Variants in TET1 observed in about 807,000 individuals in gnomAD.
The protein encoded by TET1 is methylcytosine dioxygenase TET1.
A neutral mutation model predicts 148.7 loss-of-function variants in TET1; 13 were observed. The ratio of observed to expected loss-of-function variants is 0.09; its 90% CI spans 0.06 to 0.14. The LOEUF is 0.14. Ranked by LOEUF, TET1 falls within the 10% of genes least tolerant of loss-of-function variation. The pLI is 1.00. For synonymous variants in TET1, 907 were observed against 937.2 expected (o/e 0.97, Z 0.59); for missense variants, 2,182 against 2,553.8 (o/e 0.85, Z 3.14).
intron 2 of TET1, among the ~76,000 whole-genome samples, chr10:68,589,648 G>A (rs1459340898): frequency 6.8e-6 from 1 of 146,320 alleles, no homozygotes; most frequent in Non-Finnish European, 1.5e-5. Context: ...TACTGTGCTC[G>A]GTTAATATCT....
intron 2 of TET1, among the ~76,000 whole-genome samples, chr10:68,597,903 T>A (rs2054006388): frequency 6.6e-6 from 1 of 152,102 alleles, no homozygotes; most frequent in Non-Finnish European, 1.5e-5. Flanking sequence ...TAGGAGGTAC[T>A]TAGAGTAGTC....
In TET1 at chr10:68,636,979, CGTTGTGTGTGT is replaced by C. The variant is rs1188915693; in HGVS notation, c.1969-7716_1969-7706del. ...GACTTTTGTTTTCTATTATTTTACT[CGTTGTGTGTGT>C]GTGTGTGTGTGTGTGTGTGAGTGTG... On this transcript the variant is annotated intron_variant, in intron 3 of 11. Coordinates refer to ENST00000373644, the MANE Select transcript of TET1 (RefSeq NM_030625.3). 1.4e-4 allele frequency among the ~76,000 whole-genome samples: 16 copies of C among 115,120 alleles called. No individual in the cohort carries two copies. The East Asian group carries it at 1.7e-3, about 13-fold the overall frequency. 75.5% of individuals were successfully genotyped at this position (115,120 alleles called of 152,430 possible).
At chr10:68,684,557 C>T (rs916181247) in intron 10 of TET1, among the ~76,000 whole-genome samples, 1 of 152,136 alleles carries the variant, frequency 6.6e-6, no homozygotes, top group Admixed American at 6.6e-5. Flanking sequence ...TATCTGTGAT[C>T]AGGCTGAAGT....
At chr10:68,667,560 C>G (rs376397580) in intron 7 of TET1, among the ~76,000 whole-genome samples, 6 of 152,036 alleles carry the variant, frequency 3.9e-5, no homozygotes, top group East Asian at 1.9e-4. Flanking sequence ...TCAAGACTAT[C>G]CTGGCTAATA....
At chr10:68,606,332 A>G (rs2054123971) in intron 3 of TET1, among the ~76,000 whole-genome samples, 1 of 152,196 alleles carries the variant, frequency 6.6e-6, no homozygotes, top group Non-Finnish European at 1.5e-5. Flanking sequence ...GTGCCTCTGC[A>G]CTCCAGCCTG....
chr10:68,645,192 C>A lies in TET1; in HGVS notation c.2463C>A (p.Asn821Lys), dbSNP rs372492171. The change falls in exon 4 of 12, where the codon AAC (asparagine) becomes AAA (lysine). Residue 821 changes from asparagine to lysine, a missense_variant. Physicochemically the swap from Asn to Lys is moderately conservative, Grantham distance 94. Transcript: ENST00000373644. ...GTGATCATCTCAAGGGGAGAAGTAA[C>A]GTTTTAGTATTCCAGCAGCCTGGCT... ...MSCDHLKGRS[N>K]VLVFQQPGFN... The A allele has an allele frequency of 4.3e-6, 7 of 1,614,088 alleles. No individual in the cohort carries two copies. Among genetic ancestry groups the A allele is most frequent in the Non-Finnish European group, 4.2e-6 (5 of 1,179,976 alleles).
intron 3 of TET1, among the ~76,000 whole-genome samples, chr10:68,607,438 G>A (rs1436332708): frequency 6.7e-6 from 1 of 148,214 alleles, no homozygotes; most frequent in Non-Finnish European, 1.5e-5. Context: ...TTGTTTGTTT[G>A]TTTATTTGTT....
At chr10:68,647,340 T>G (rs2054866293) in intron 4 of TET1, among the ~76,000 whole-genome samples, 2 of 152,218 alleles carry the variant, frequency 1.3e-5, no homozygotes, top group Non-Finnish European at 2.9e-5. Flanking sequence ...GCAATGGCTC[T>G]TGCCTGTAAT....
Position 68,573,654 on chromosome 10 carries a change from C to G in TET1, c.1316C>G (p.Pro439Arg), listed in dbSNP as rs2053695918. The G allele has an allele frequency of 1.9e-6, 3 of 1,614,124 alleles. No individual in the cohort carries two copies. The highest frequency in any genetic ancestry group is 8.5e-7 in the Non-Finnish European group (1 of 1,180,030). Reference sequence around the variant, plus strand: ...GTCTTCCTTCCTGTTCCTCCAAATCCAATTGCTACCTTTAATGCTCCTTCC... The same window carrying G: ...GTCTTCCTTCCTGTTCCTCCAAATCGAATTGCTACCTTTAATGCTCCTTCC... ...LPVFLPVPPN[P>R]IATFNAPSKW... Residue 439 changes from proline (P) to arginine (R), a missense_variant, in exon 2 of 12, where the codon CCA (proline) becomes CGA (arginine). Pro to Arg is a moderately radical substitution (Grantham distance 103, BLOSUM62 -2). Transcript: ENST00000373644.
At chr10:68,640,622 G>A (rs2054736350) in intron 3 of TET1, among the ~76,000 whole-genome samples, 1 of 119,980 alleles carries the variant, frequency 8.3e-6, no homozygotes, top group African/African-American at 3.2e-5. Flanking sequence ...CGCTATCTAG[G>A]CTCACTGCAG....
At chr10:68,654,960 T>G (rs1325168541) in intron 6 of TET1, among the ~76,000 whole-genome samples, 4 of 152,206 alleles carry the variant, frequency 2.6e-5, no homozygotes, top group Non-Finnish European at 5.9e-5. Context: ...CCTCCTCATC[T>G]TAAATGTTTT....
intron 2 of TET1, among the ~76,000 whole-genome samples, chr10:68,581,262 T>C (rs538859783): frequency 1.3e-5 from 2 of 152,292 alleles, no homozygotes; most frequent in African/African-American, 4.8e-5. Context: ...CTTACTCTTC[T>C]TGATGTTCAG....
At chr10:68,628,326 G>A (rs1355718165) in intron 3 of TET1, among the ~76,000 whole-genome samples, 1 of 152,232 alleles carries the variant, frequency 6.6e-6, no homozygotes, top group Non-Finnish European at 1.5e-5. Context: ...AAGAAAACAA[G>A]TCTTTTTCTC....
Position 68,645,440 on chromosome 10 carries a change from C to G in TET1, c.2711C>G (p.Pro904Arg). Residue 904 changes from proline to arginine, a missense_variant, in exon 4 of 12, where the codon CCA becomes CGA. Physicochemically the swap from Pro to Arg is moderately radical, Grantham distance 103. Transcript: ENST00000373644. ...GCCCTGACTCAACTCTCAGAAGCCC[C>G]ATCAGAGAATTCCTCCCCATCAAAG... ...IEALTQLSEA[P>R]SENSSPSKSE... 1.2e-6 allele frequency: 2 copies of G among 1,613,892 alleles called. No homozygotes were observed. The highest frequency in any genetic ancestry group is 1.7e-6 in the Non-Finnish European group (2 of 1,180,032).
At chr10:68,672,870 A>C (rs781178260) in intron 7 of TET1, 25 bp from the exon 8 acceptor site, 4 of 1,585,594 alleles carry the variant, frequency 2.5e-6, no homozygotes, top group Non-Finnish European at 3.4e-6. Context: ...TCATCAATTC[A>C]CTCTCTTGAA....
intron 5 of TET1, 124 bp from the exon 6 acceptor site, chr10:68,652,375 AAG>A (rs10597241): frequency 0.15 from 83,737 of 552,950 alleles, 7,838 homozygotes; most frequent in African/African-American, 0.34. Flanking sequence ...GTAAATTACG[AAG>A]AGTGTCTAAT....
chr10:68,631,701 G>A (rs1275153917), intron 3 of TET1, among the ~76,000 whole-genome samples: 1 of 152,080 alleles, frequency 6.6e-6, no homozygotes, highest in Non-Finnish European at 1.5e-5. Context: ...GTGTAAACAC[G>A]TCTGTGCATA....
chr10:68,622,886 T>C (rs1481443164), intron 3 of TET1, among the ~76,000 whole-genome samples: 3 of 152,108 alleles, frequency 2.0e-5, no homozygotes, highest in Admixed American at 6.6e-5. Context: ...GCTACTCAAA[T>C]TGGGCTTGTT....
chr10:68,596,261 C>T (rs1039536015), intron 2 of TET1, among the ~76,000 whole-genome samples: 4 of 151,546 alleles, frequency 2.6e-5, no homozygotes, highest in African/African-American at 9.7e-5. Context: ...TTGTTAGATA[C>T]TGAAAATCAA....
Sources: allele counts gnomAD v4.1 joint callset (sites outside exome capture counted in the v4.1 genomes callset), GRCh38; gene constraint gnomAD v4.1.1; transcripts MANE v1.5; gene names NCBI Gene and HGNC (gene_info 2026-07-23, HGNC 2026-07-21).